VAV3: variants seen among roughly 807,000 people sequenced by gnomAD.
VAV3 encodes guanine nucleotide exchange factor VAV3.
Under a neutral mutation model 131.2 loss-of-function variants are expected in VAV3, and 94 were observed. The observed-to-expected ratio is 0.72, with a 90% CI of 0.61 to 0.85. The LOEUF is 0.85. Among genes scored for constraint, VAV3 ranks in the 40% least tolerant of loss-of-function variants. The pLI, the probability that VAV3 is intolerant of heterozygous loss-of-function variation, is 0.00. For missense variants in VAV3, 939 were observed against 1,002.7 expected (o/e 0.94, Z 0.86); for synonymous variants, 349 against 342.0 (o/e 1.02, Z -0.22).
intron 2 of VAV3, 75 bp downstream of exon 2, chr1:107,874,826 C>T (rs758869891): frequency 9.3e-6 from 12 of 1,294,746 alleles, no homozygotes; most frequent in Non-Finnish European, 1.3e-5. Flanking sequence ...GTCACATGCC[C>T]TACTTCAAGA....
chr1:107,822,450 C>G (rs1160843267), intron 2 of VAV3, among the ~76,000 whole-genome samples: 1 of 151,806 alleles, frequency 6.6e-6, no homozygotes, highest in South Asian at 2.1e-4. Context: ...GTCAGGAGAT[C>G]GAGACCATCC....
In VAV3 at chr1:107,757,335, T is replaced by C. The variant is rs1459559458; in HGVS notation, c.1018-6A>G. 6.2e-7 allele frequency: 1 copy of C among 1,610,420 alleles called. No homozygotes were observed. The highest frequency in any genetic ancestry group is 1.7e-5 in the Admixed American group (1 of 58,964). On this transcript the variant is annotated splice_region_variant and splice_polypyrimidine_tract_variant and intron_variant, in intron 10 of 26. Transcript: ENST00000370056. ...GTGGTATGTTTGACCAGTTCCTATT[T>C]GGAAGATATGGTTTAGTACTACTTT...
intron 18 of VAV3, among the ~76,000 whole-genome samples, 155 bp downstream of exon 18, chr1:107,688,226 T>C (rs1659170632): frequency 6.6e-6 from 1 of 152,236 alleles, no homozygotes; most frequent in African/African-American, 2.4e-5. Context: ...AACTTTTGCA[T>C]TTTGTTCACA....
At chr1:107,717,623 T>C (rs1167614779) in intron 15 of VAV3, among the ~76,000 whole-genome samples, 1 of 152,214 alleles carries the variant, frequency 6.6e-6, no homozygotes, top group Non-Finnish European at 1.5e-5. Flanking sequence ...TGATTTCTGT[T>C]CTTTTACATT....
At chr1:107,742,141 T>C (rs1250250408) in intron 15 of VAV3, among the ~76,000 whole-genome samples, 3 of 152,214 alleles carry the variant, frequency 2.0e-5, no homozygotes, top group Non-Finnish European at 2.9e-5. Flanking sequence ...GGATCCACAC[T>C]ATATAGCCTT....
At chr1:107,945,848 AAAG>A (rs1674234694) in intron 1 of VAV3, among the ~76,000 whole-genome samples, 1 of 151,718 alleles carries the variant, frequency 6.6e-6, no homozygotes, top group African/African-American at 2.4e-5. Flanking sequence ...GAAAGAAAGA[AAAG>A]AAAAACAGTC....
At chr1:107,637,125 G>A (rs934393166) in intron 20 of VAV3, among the ~76,000 whole-genome samples, 6 of 151,894 alleles carry the variant, frequency 4.0e-5, no homozygotes, top group African/African-American at 1.5e-4. Flanking sequence ...ACTGATATCG[G>A]GAATGAGATG....
At chr1:107,952,458 T>C (rs1475496855) in intron 1 of VAV3, among the ~76,000 whole-genome samples, 1 of 72,272 alleles carries the variant, frequency 1.4e-5, no homozygotes, top group African/African-American at 5.7e-5. Context: ...CCCGAACTTA[T>C]AACAAAACTT....
At chr1:107,932,422 CAT>C (rs141234456) in intron 1 of VAV3, among the ~76,000 whole-genome samples, 14,389 of 152,084 alleles carry the variant, frequency 0.095, 794 homozygotes, top group African/African-American at 0.15. Flanking sequence ...TATGCAGAAA[CAT>C]GTGAGACTTC....
chr1:107,925,210 AC>A (rs1673092192), intron 1 of VAV3, among the ~76,000 whole-genome samples: 1 of 152,162 alleles, frequency 6.6e-6, no homozygotes, highest in Non-Finnish European at 1.5e-5. Flanking sequence ...AGATAGAAGT[AC>A]CTTTGAGGCC....
intron 2 of VAV3, among the ~76,000 whole-genome samples, chr1:107,781,198 G>A (rs1557843016): frequency 6.6e-6 from 1 of 152,114 alleles, no homozygotes; most frequent in Non-Finnish European, 1.5e-5. Context: ...GTAAAATGCA[G>A]ATAATAGCTA....
intron 17 of VAV3, among the ~76,000 whole-genome samples, chr1:107,700,050 A>AG (rs1660002685): frequency 6.6e-6 from 1 of 152,226 alleles, no homozygotes; most frequent in Non-Finnish European, 1.5e-5. Flanking sequence ...CAATTAAATT[A>AG]TAAGTGCAAG....
chr1:107,788,363 T>A (rs1666127498), intron 2 of VAV3, among the ~76,000 whole-genome samples: 1 of 151,884 alleles, frequency 6.6e-6, no homozygotes, highest in African/African-American at 2.4e-5. Flanking sequence ...CTCTGCCCAC[T>A]CTCCACACAC....
intron 1 of VAV3, among the ~76,000 whole-genome samples, chr1:107,915,275 A>AT (rs1422587804): frequency 6.6e-6 from 1 of 152,208 alleles, no homozygotes; most frequent in Non-Finnish European, 1.5e-5. Flanking sequence ...GTTTAATGAG[A>AT]TGCAAAAGCC....
intron 19 of VAV3, among the ~76,000 whole-genome samples, chr1:107,658,079 G>A (rs750360555): frequency 4.9e-4 from 75 of 152,164 alleles, no homozygotes; most frequent in Non-Finnish European, 8.7e-4. Context: ...TCTTTCTAAT[G>A]AAAGAAAACC....
chr1:107,961,089 A>T (rs764681010), intron 1 of VAV3, among the ~76,000 whole-genome samples: 2 of 152,186 alleles, frequency 1.3e-5, no homozygotes, highest in Non-Finnish European at 2.9e-5. Flanking sequence ...AGTAGGACCA[A>T]GTAAATATTC....
chr1:107,795,013 G>C (rs1272365324), intron 2 of VAV3, among the ~76,000 whole-genome samples: 1 of 152,130 alleles, frequency 6.6e-6, no homozygotes, highest in Non-Finnish European at 1.5e-5. Context: ...ATTGCACCTA[G>C]AAGAATGGAT....
intron 19 of VAV3, chr1:107,669,274 C>T (rs546386537): frequency 1.0e-4 from 127 of 1,274,530 alleles, no homozygotes; most frequent in African/African-American, 8.0e-4. Flanking sequence ...CTTTATCCTT[C>T]GCTGTGTAAG....
At chr1:107,926,186 G>A (rs1434791686) in intron 1 of VAV3, among the ~76,000 whole-genome samples, 2 of 152,250 alleles carry the variant, frequency 1.3e-5, no homozygotes, top group East Asian at 3.9e-4. Context: ...CGAGGCTGAG[G>A]TAGGAGAATG....
Sources: gnomAD v4.1 joint callset for allele counts (sites outside exome capture counted in the v4.1 genomes callset) on GRCh38, gnomAD v4.1.1 for gene constraint, MANE v1.5 for transcripts, NCBI Gene and HGNC (gene_info 2026-07-23, HGNC 2026-07-21) for gene names.